Variants in ZNF804B observed in about 807,000 individuals in gnomAD.
The protein encoded by ZNF804B is zinc finger protein 804B, also known as zinc finger 804B.
A neutral mutation model predicts 101.4 loss-of-function variants in ZNF804B; 80 were observed. The observed-to-expected ratio is 0.79, with a 90% CI of 0.66 to 0.95. The LOEUF (loss-of-function observed/expected upper bound fraction) is 0.95, where lower values mean the gene tolerates loss of function less well. ZNF804B is among the 40% of genes least tolerant of loss of function. The pLI, the probability that ZNF804B is intolerant of heterozygous loss-of-function variation, is 0.00. For synonymous variants in ZNF804B, 622 were observed against 558.8 expected (o/e 1.11, Z -1.59); for missense variants, 1,673 against 1,561.9 (o/e 1.07, Z -1.20).
chr7:88,919,825 T>C (rs1792693314), intron 1 of ZNF804B, among the ~76,000 whole-genome samples: 1 of 152,130 alleles, frequency 6.6e-6, no homozygotes. Context: ...ATGTCAGTCA[T>C]GACCTCTTAT....
intron 2 of ZNF804B, among the ~76,000 whole-genome samples, chr7:89,254,624 CTATT>C (rs1467124957): frequency 6.7e-6 from 1 of 150,118 alleles, no homozygotes; most frequent in Non-Finnish European, 1.5e-5. Context: ...AGCCAGGACA[CTATT>C]TATTTTTATT....
chr7:88,804,613 T>G (rs1397515376), intron 1 of ZNF804B, among the ~76,000 whole-genome samples: 1 of 146,432 alleles, frequency 6.8e-6, no homozygotes, highest in Non-Finnish European at 1.5e-5. Context: ...TATTTTTTTA[T>G]GACTTAAAAT....
intron 1 of ZNF804B, among the ~76,000 whole-genome samples, chr7:88,831,784 T>G (rs1313385646): frequency 6.6e-6 from 1 of 151,996 alleles, no homozygotes; most frequent in African/African-American, 2.4e-5. Flanking sequence ...TGACCATTTA[T>G]AATTGAAATG....
At chr7:89,016,198 T>C (rs1788553721) in intron 1 of ZNF804B, among the ~76,000 whole-genome samples, 1 of 152,186 alleles carries the variant, frequency 6.6e-6, no homozygotes, top group South Asian at 2.1e-4. Context: ...GTTTTTTTCT[T>C]GTAAATTTGT....
intron 2 of ZNF804B, among the ~76,000 whole-genome samples, chr7:89,290,936 G>C (rs1584108059): frequency 6.6e-6 from 1 of 152,156 alleles, no homozygotes; most frequent in East Asian, 1.9e-4. Context: ...ACTCACCACA[G>C]AGAGACTCTG....
intron 1 of ZNF804B, among the ~76,000 whole-genome samples, chr7:88,869,464 G>A (rs1791783380): frequency 6.6e-6 from 1 of 152,186 alleles, no homozygotes; most frequent in African/African-American, 2.4e-5. Flanking sequence ...TCCCACCCCT[G>A]CTTACTTTCT....
At chr7:89,053,165 T>C (rs1216592759) in intron 1 of ZNF804B, among the ~76,000 whole-genome samples, 2 of 152,184 alleles carry the variant, frequency 1.3e-5, no homozygotes, top group Non-Finnish European at 2.9e-5. Context: ...TTGTGATTTC[T>C]ATAGTAAAGC....
intron 1 of ZNF804B, among the ~76,000 whole-genome samples, chr7:88,977,347 A>G (rs1793630621): frequency 6.6e-6 from 1 of 151,364 alleles, no homozygotes; most frequent in African/African-American, 2.4e-5. Flanking sequence ...AATGTTTGAT[A>G]AAATTTTACA....
At chr7:88,810,823 G>A (rs1790773961) in intron 1 of ZNF804B, among the ~76,000 whole-genome samples, 1 of 151,838 alleles carries the variant, frequency 6.6e-6, no homozygotes, top group South Asian at 2.1e-4. Flanking sequence ...GTTAAAATAA[G>A]CAACAGTCTA....
chr7:89,213,991 C>G (rs1188945589), intron 1 of ZNF804B, among the ~76,000 whole-genome samples: 1 of 152,140 alleles, frequency 6.6e-6, no homozygotes, highest in Non-Finnish European at 1.5e-5. Flanking sequence ...GTGCATTACT[C>G]TAGTCAACAC....
chr7:89,183,184 G>GA lies in ZNF804B; in HGVS notation c.109-34963dup, dbSNP rs977366880. ...AAGAGTTAGAACAAGGTGCAGTGGA[G>GA]AAAAAAAATGGGTATTAATAGTAAT... On this transcript the variant is annotated intron_variant, in intron 1 of 3. Coordinates refer to ENST00000333190, the MANE Select transcript of ZNF804B (RefSeq NM_181646.5). 4.0e-4 allele frequency among the ~76,000 whole-genome samples: 60 copies of GA among 151,582 alleles called. 1 individual carries two copies. Among genetic ancestry groups the GA allele is most frequent in the African/African-American group, 1.2e-3 (48 of 41,362 alleles).
In ZNF804B at chr7:88,794,907, T is replaced by A. The variant is rs200802688; in HGVS notation, c.108+34823T>A. The A allele has an allele frequency of 1.2e-4, 199 of 1,604,616 alleles. 2 individuals carry two copies. The Admixed American group carries it at 3.4e-3, about 27-fold the overall frequency. Reference sequence around the variant, plus strand: ...GAAGAGGTTCCAGTGGCAAAGGCCTTTTGCTGCCCTTCTGGTTATGGACCG... The same window carrying A: ...GAAGAGGTTCCAGTGGCAAAGGCCTATTGCTGCCCTTCTGGTTATGGACCG... On this transcript the variant is annotated intron_variant, in intron 1 of 3. Transcript: ENST00000333190.
chr7:88,958,084 C>T (rs1199635303), intron 1 of ZNF804B, among the ~76,000 whole-genome samples: 1 of 151,248 alleles, frequency 6.6e-6, no homozygotes, highest in Non-Finnish European at 1.5e-5. Flanking sequence ...TTCTGAGCAG[C>T]AAAAGTAAGT....
intron 1 of ZNF804B, among the ~76,000 whole-genome samples, chr7:89,180,472 A>G (rs1289273325): frequency 6.6e-6 from 1 of 152,028 alleles, no homozygotes; most frequent in Non-Finnish European, 1.5e-5. Flanking sequence ...CTGAATCCTG[A>G]TAATGCATAT....
intron 2 of ZNF804B, among the ~76,000 whole-genome samples, chr7:89,265,348 A>G (rs1268412192): frequency 6.6e-6 from 1 of 152,162 alleles, no homozygotes; most frequent in Non-Finnish European, 1.5e-5. Flanking sequence ...GATTTGGGAT[A>G]TTTTAGTAAA....
At chr7:89,187,446 A>T (rs532275322) in intron 1 of ZNF804B, among the ~76,000 whole-genome samples, 6 of 152,288 alleles carry the variant, frequency 3.9e-5, no homozygotes, top group African/African-American at 1.2e-4. Context: ...CAGAAAACCA[A>T]AATAAAGTAA....
chr7:89,005,262 A>G (rs1160485342), intron 1 of ZNF804B, among the ~76,000 whole-genome samples: 1 of 152,040 alleles, frequency 6.6e-6, no homozygotes, highest in Non-Finnish European at 1.5e-5. Context: ...ATGGGTTACA[A>G]GGTTACAAAG....
At chr7:89,329,531 C>A (rs1790945651) in intron 3 of ZNF804B, among the ~76,000 whole-genome samples, 1 of 151,592 alleles carries the variant, frequency 6.6e-6, no homozygotes, top group Admixed American at 6.6e-5. Flanking sequence ...TCTTCTGTGA[C>A]CCTTTGGGAG....
At chr7:89,212,272 CACACACACACACACACAA>C (rs1437199074) in intron 1 of ZNF804B, among the ~76,000 whole-genome samples, 1 of 102,756 alleles carries the variant, frequency 9.7e-6, no homozygotes, top group East Asian at 2.1e-4. Context: ...CACACACACA[CACACACACACACACACAA>C]ACAGACTGCA....
Sources: allele counts gnomAD v4.1 joint callset (sites outside exome capture counted in the v4.1 genomes callset), GRCh38; gene constraint gnomAD v4.1.1; transcripts MANE v1.5; gene names NCBI Gene and HGNC (gene_info 2026-07-23, HGNC 2026-07-21).